Variants in SLC4A5 observed in about 807,000 individuals in gnomAD.
SLC4A5 encodes the protein solute carrier family 4 member 5.
Under a neutral mutation model 120.4 loss-of-function variants are expected in SLC4A5, and 96 were observed. The observed-to-expected ratio is 0.80, with a 90% CI of 0.68 to 0.94. The LOEUF is 0.94. Among genes scored for constraint, SLC4A5 ranks in the 40% least tolerant of loss-of-function variants. The probability of loss-of-function intolerance (pLI) is 0.00; values close to 1 mark genes in which losing one functional copy is unlikely to be tolerated. For synonymous variants in SLC4A5, 550 were observed against 571.1 expected (o/e 0.96, Z 0.53); for missense variants, 1,259 against 1,459.5 (o/e 0.86, Z 2.24).
intron 8 of SLC4A5, among the ~76,000 whole-genome samples, chr2:74,271,659 C>T (rs905277627): frequency 2.0e-5 from 3 of 151,814 alleles, no homozygotes; most frequent in Non-Finnish European, 4.4e-5. Flanking sequence ...CCCTTATGGT[C>T]TCCTGCCCAG....
At chr2:74,285,661 G>T in intron 8 of SLC4A5, 112 bp downstream of exon 8, 1 of 1,327,290 alleles carries the variant, frequency 7.5e-7, no homozygotes, top group Non-Finnish European at 1.0e-6. Context: ...GAGGGTCTTT[G>T]TGGACCAGGA....
chr2:74,257,498 C>T (rs944582312), intron 12 of SLC4A5, among the ~76,000 whole-genome samples: 3 of 152,106 alleles, frequency 2.0e-5, no homozygotes, highest in African/African-American at 4.8e-5. Flanking sequence ...GAGATACGGG[C>T]TGGGCAGGAG....
chr2:74,304,145 G>A (rs1672562095), intron 7 of SLC4A5, among the ~76,000 whole-genome samples: 3 of 152,132 alleles, frequency 2.0e-5, no homozygotes, highest in Non-Finnish European at 2.9e-5. Flanking sequence ...CACCGCGCCC[G>A]GCCGCATGTC....
In SLC4A5 at chr2:74,235,084, G is replaced by T; in HGVS notation, c.2433+17C>A. 2 of 1,595,812 alleles carry T rather than the reference G, an allele frequency of 1.3e-6. No individual in the cohort carries two copies. The highest frequency in any genetic ancestry group is 8.6e-7 in the Non-Finnish European group (1 of 1,163,742). ...GGCAGGCAGACTGGATGCCCAGAGCGAGGGAAAGGGGCAAACCTTGATGAC... is the reference window on the plus strand; with the variant it reads ...GGCAGGCAGACTGGATGCCCAGAGCTAGGGAAAGGGGCAAACCTTGATGAC... On this transcript the variant is annotated intron_variant, in intron 22 of 30. Transcript: ENST00000394019.
chr2:74,289,498 G>A (rs189606008), intron 7 of SLC4A5, among the ~76,000 whole-genome samples: 112 of 152,136 alleles, frequency 7.4e-4, no homozygotes, highest in African/African-American at 2.4e-3. Context: ...TGTATTTTCT[G>A]TAGAGACGAG....
chr2:74,256,850 G>A (rs1471453108), intron 12 of SLC4A5, among the ~76,000 whole-genome samples: 5 of 152,334 alleles, frequency 3.3e-5, no homozygotes, highest in Admixed American at 2.6e-4. Context: ...GGAAGATGGA[G>A]GGGAGCAGTT....
intron 25 of SLC4A5, among the ~76,000 whole-genome samples, chr2:74,229,866 T>C (rs1694997962): frequency 6.7e-6 from 1 of 150,246 alleles, no homozygotes; most frequent in Admixed American, 6.7e-5. Flanking sequence ...TCTTACAAGG[T>C]CACCTCTGAA....
At chr2:74,264,504 G>A (rs2104049016) in intron 9 of SLC4A5, among the ~76,000 whole-genome samples, 1 of 152,056 alleles carries the variant, frequency 6.6e-6, no homozygotes, top group Non-Finnish European at 1.5e-5. Flanking sequence ...GTGTGTGTGT[G>A]TGTGTGTGTG....
chr2:74,286,719 AT>A (rs1174080820), intron 7 of SLC4A5, among the ~76,000 whole-genome samples: 2 of 152,220 alleles, frequency 1.3e-5, no homozygotes, highest in African/African-American at 4.8e-5. Context: ...AATAAACAAA[AT>A]GACCAGGGGA....
Position 74,295,862 on chromosome 2 carries a change from T to G in SLC4A5, c.271+8627A>C, listed in dbSNP as rs1040671257. ...AAAGGTGAAGCACTGTGAGACTGAGTCCACCAAGCAGGGACTTGGAGCCAG... is the reference window on the plus strand; with the variant it reads ...AAAGGTGAAGCACTGTGAGACTGAGGCCACCAAGCAGGGACTTGGAGCCAG... On this transcript the variant is annotated intron_variant, in intron 7 of 30. Transcript: ENST00000394019. 2.6e-5 allele frequency among the ~76,000 whole-genome samples: 4 copies of G among 152,126 alleles called. No individual in the cohort carries two copies. In the East Asian group the frequency reaches 7.7e-4, roughly 29 times the overall value.
intron 4 of SLC4A5, among the ~76,000 whole-genome samples, chr2:74,329,315 T>G (rs1358540117): frequency 1.3e-5 from 2 of 151,676 alleles, no homozygotes; most frequent in Non-Finnish European, 2.9e-5. Context: ...ATTGGCCGGG[T>G]GTGGTGGCTC....
At chr2:74,294,901 C>A (rs1181227033) in intron 7 of SLC4A5, among the ~76,000 whole-genome samples, 1 of 152,066 alleles carries the variant, frequency 6.6e-6, no homozygotes, top group African/African-American at 2.4e-5. Context: ...AAACTCCTGG[C>A]CTCAAGTGAT....
intron 20 of SLC4A5, among the ~76,000 whole-genome samples, chr2:74,241,543 C>T (rs1670446416): frequency 6.6e-6 from 1 of 151,810 alleles, no homozygotes; most frequent in South Asian, 2.1e-4. Flanking sequence ...GAGTTCAAAA[C>T]CAGCTTGGCC....
At position 74,306,748 on chromosome 2, in the gene SLC4A5, C is replaced by T; in HGVS notation, c.80-2068G>A. The T allele has an allele frequency of 2.6e-6, 3 of 1,159,458 alleles. No individual in the cohort carries two copies. In the South Asian group the frequency reaches 3.7e-5, roughly 14 times the overall value. The allele number at this position is 1,159,458 out of a possible 1,614,324, so 71.8% of individuals were successfully genotyped here. Reference sequence around the variant, plus strand: ...GCTTAATGTCTCAGAACTTTGGTGTCATTATTCTCAGACACCACTTTGCCA... The same window carrying T: ...GCTTAATGTCTCAGAACTTTGGTGTTATTATTCTCAGACACCACTTTGCCA... On this transcript the variant is annotated intron_variant, in intron 6 of 30. Transcript: ENST00000394019.
chr2:74,290,121 T>G (rs1672110825), intron 7 of SLC4A5: 1 of 984,974 alleles, frequency 1.0e-6, no homozygotes, highest in Admixed American at 6.1e-5. Context: ...TGCCTGCCAT[T>G]CCCTAAGTCT....
At chr2:74,230,321 TGGAGTCTCTCCA>T (rs1353545223) in intron 25 of SLC4A5, among the ~76,000 whole-genome samples, 2 of 152,224 alleles carry the variant, frequency 1.3e-5, no homozygotes, top group Non-Finnish European at 2.9e-5. Context: ...CCTTGCTTTC[TGGAGTCTCTCCA>T]GAAAGAGACC....
chr2:74,261,458 G>A (rs1055212837), intron 11 of SLC4A5, among the ~76,000 whole-genome samples: 1 of 152,248 alleles, frequency 6.6e-6, no homozygotes, highest in Non-Finnish European at 1.5e-5. Context: ...CAGGGGTACA[G>A]CACTGGGCTG....
chr2:74,294,151 G>A (rs1226029643), intron 7 of SLC4A5, among the ~76,000 whole-genome samples: 1 of 152,164 alleles, frequency 6.6e-6, no homozygotes, highest in Admixed American at 6.5e-5. Flanking sequence ...TTGGGGGTCA[G>A]GGGAGACTCA....
intron 28 of SLC4A5, among the ~76,000 whole-genome samples, chr2:74,223,246 C>A (rs1001223816): frequency 6.6e-6 from 1 of 152,012 alleles, no homozygotes; most frequent in Non-Finnish European, 1.5e-5. Context: ...CCTTGTGATC[C>A]CCCCTGCCTC....
Sources: allele counts gnomAD v4.1 joint callset (sites outside exome capture counted in the v4.1 genomes callset), GRCh38; gene constraint gnomAD v4.1.1; transcripts MANE v1.5; gene names NCBI Gene and HGNC (gene_info 2026-07-23, HGNC 2026-07-21).